The following CMTM2 variants were observed in gnomAD, a reference collection of about 807,000 sequenced individuals.
CMTM2 encodes the protein CKLF like MARVEL transmembrane domain containing 2.
A neutral mutation model predicts 16.8 loss-of-function variants in CMTM2; 15 were observed. The observed-to-expected ratio is 0.89, with a 90% confidence interval of 0.60 to 1.37. CMTM2 has a LOEUF of 1.37. Among genes scored for constraint, CMTM2 ranks in the 40% most tolerant of loss-of-function variants. The pLI, the probability that CMTM2 is intolerant of heterozygous loss-of-function variation, is 0.00. For missense variants in CMTM2, 282 were observed against 318.0 expected (o/e 0.89, Z 0.86); for synonymous variants, 117 against 118.7 (o/e 0.99, Z 0.09).
chr16:66,587,448 T>C (rs1257961663), intron 3 of CMTM2, among the ~76,000 whole-genome samples: 1 of 151,830 alleles, frequency 6.6e-6, no homozygotes, highest in Admixed American at 6.6e-5. Context: ...TCCCAGCAAC[T>C]TGGGAGGCTG....
chr16:66,582,158 C>T (rs1322932350), intron 2 of CMTM2, among the ~76,000 whole-genome samples: 1 of 152,004 alleles, frequency 6.6e-6, no homozygotes, highest in Admixed American at 6.6e-5. Context: ...GGATTATAGA[C>T]ATAAGAGTCC....
At position 66,588,257 on chromosome 16, in the gene CMTM2, T is replaced by C. The variant is rs925701790; in HGVS notation, c.*138T>C. On this transcript the variant is annotated 3_prime_UTR_variant, in exon 4 of 4. Coordinates refer to ENST00000268595, the MANE Select transcript of CMTM2 (RefSeq NM_144673.3). ...CTTTGCTTGGAAAAGAATGGATTAA[T>C]GGATTCTAAAAGCCTAAAGTTGATG... is the stretch of plus-strand genomic sequence containing the variant. 3 of 800,830 alleles carry C rather than the reference T, an allele frequency of 3.7e-6. No individual in the cohort carries two copies. In the East Asian group the frequency reaches 8.0e-5, roughly 21 times the overall value. The allele number at this position is 800,830 out of a possible 1,614,324, so 49.6% of individuals were successfully genotyped here.
rs571631665 is a variant in CMTM2, at chr16:66,581,675, C to T, written c.444+1491C>T. Among the ~76,000 whole-genome samples, 12 of 152,350 alleles carry T rather than the reference C, an allele frequency of 7.9e-5. No individual in the cohort carries two copies. The South Asian group carries it at 2.5e-3, about 32-fold the overall frequency. On this transcript the variant is annotated intron_variant, in intron 2 of 3. Coordinates refer to ENST00000268595, the MANE Select transcript of CMTM2 (RefSeq NM_144673.3). ...TCCTTAGGGAAAAGATGGACAAAGA[C>T]ACATACCCTTCTTATTCCCAACACA...
chr16:66,583,926 C>G (rs2014763010), intron 2 of CMTM2, among the ~76,000 whole-genome samples: 1 of 152,192 alleles, frequency 6.6e-6, no homozygotes, highest in African/African-American at 2.4e-5. Context: ...TCTGCAAAAT[C>G]ATACGTTGAG....
chr16:66,582,389 A>G (rs12446493), intron 2 of CMTM2, among the ~76,000 whole-genome samples: 1 of 152,096 alleles, frequency 6.6e-6, no homozygotes, highest in Non-Finnish European at 1.5e-5. Flanking sequence ...AGACAGAACA[A>G]TGAGTGAGAA....
intron 2 of CMTM2, chr16:66,580,526 G>A (rs905202485): frequency 5.0e-5 from 14 of 279,860 alleles, no homozygotes; most frequent in Non-Finnish European, 8.8e-5. Context: ...ACACTTGACA[G>A]GAGATCACCC....
Position 66,579,775 on chromosome 16 carries a change from G to A in CMTM2, c.168G>A (p.Val56=), listed in dbSNP as rs151139084. ...KEPSDKPQKA[V]QPKHEVGTRR... ...CATCGGACAAACCTCAAAAGGCGGT[G>A]CAGCCCAAGCACGAAGTGGGCACGA... Residue 56 remains valine, a synonymous_variant, in exon 1 of 4, where the codon GTG becomes GTA. Transcript: ENST00000268595. The surrounding 1 kb of genome is among the most constrained non-coding windows in gnomAD (Gnocchi z 6.5). 6.8e-6 allele frequency: 11 copies of A among 1,614,012 alleles called. No individual in the cohort carries two copies. The highest frequency in any genetic ancestry group is 9.3e-6 in the Non-Finnish European group (11 of 1,180,040).
Position 66,587,918 on chromosome 16 carries a change from G to A in CMTM2, c.547-1G>A. On this transcript the variant is annotated splice_acceptor_variant, in intron 3 of 3. Coordinates refer to ENST00000268595, the MANE Select transcript of CMTM2 (RefSeq NM_144673.3). LOFTEE classifies it high-confidence loss of function. ...GTCATGAGGACCGTTTTGTTTTCCAGATCCTTATTGGTGCGGCTGGAGTTT... is the reference window on the plus strand; with the variant it reads ...GTCATGAGGACCGTTTTGTTTTCCAAATCCTTATTGGTGCGGCTGGAGTTT... 1 of 1,614,006 alleles carries A rather than the reference G, an allele frequency of 6.2e-7. No individual in the cohort carries two copies. The highest frequency in any genetic ancestry group is 8.5e-7 in the Non-Finnish European group (1 of 1,179,996).
In CMTM2 at chr16:66,579,827, G is replaced by GA. The variant is rs1567382522; in HGVS notation, c.222dup (p.Leu75IlefsTer6). 6.2e-7 allele frequency: 1 copy of GA among 1,610,960 alleles called. No individual in the cohort carries two copies. Among genetic ancestry groups the GA allele is most frequent in the Non-Finnish European group, 8.5e-7 (1 of 1,178,318 alleles). The stretch of plus-strand genomic sequence containing the variant: ...GAGGGGGTGTCGCCGCTACCGGTGG[G>GA]AATTAAAAGACAGCAATAAAGAGTT... On this transcript the variant is annotated frameshift_variant, in exon 1 of 4. Transcript: ENST00000268595. LOFTEE classifies it high-confidence loss of function. This position sits in a 1 kb window ranked among gnomAD's most constrained non-coding sequence, Gnocchi z 6.5.
intron 2 of CMTM2, among the ~76,000 whole-genome samples, chr16:66,583,176 C>T (rs2014754097): frequency 6.6e-6 from 1 of 151,998 alleles, no homozygotes; most frequent in African/African-American, 2.4e-5. Flanking sequence ...TCCTGAATAC[C>T]AACAATGAAC....
At chr16:66,580,325 C>T in intron 2 of CMTM2, 141 bp downstream of exon 2, 1 of 895,930 alleles carries the variant, frequency 1.1e-6, no homozygotes, top group Non-Finnish European at 1.7e-6. Context: ...ATCAGTGGGG[C>T]CCAGGCAGAG....
chr16:66,580,052 G>C lies in CMTM2; in HGVS notation c.312G>C (p.Leu104=). 2 of 1,614,176 alleles carry C rather than the reference G, an allele frequency of 1.2e-6. No homozygotes were observed. The highest frequency in any genetic ancestry group is 1.7e-6 in the Non-Finnish European group (2 of 1,180,038). Residue 104 remains leucine (L), a synonymous_variant, in exon 2 of 4, where the codon CTG becomes CTC. Coordinates refer to ENST00000268595, the MANE Select transcript of CMTM2 (RefSeq NM_144673.3). ...GCTGCCTAATAGCTGCAATGATACT[G>C]TTGTCCTCACTCACCGTGCACCCCA... ...SLGCLIAAMI[L]LSSLTVHPIL...
rs2014814272 is a variant in CMTM2 at position 66,587,947 on chromosome 16, C to T, written c.575C>T (p.Ala192Val). 1.2e-6 allele frequency: 2 copies of T among 1,614,084 alleles called. No individual in the cohort carries two copies. Among genetic ancestry groups the T allele is most frequent in the Non-Finnish European group, 1.7e-6 (2 of 1,179,974 alleles). ...CTTATTGGTGCGGCTGGAGTTTTTG[C>T]TTTTATCGATGTGTGTCTTCAAAGA... is the stretch of plus-strand genomic sequence containing the variant. The part of the protein sequence containing the change: ...VILIGAAGVF[A>V]FIDVCLQRNH... Residue 192 changes from alanine (A) to valine (V), a missense_variant, in exon 4 of 4, where the codon GCT becomes GTT. Ala to Val is a moderately conservative substitution (Grantham distance 64). Coordinates refer to ENST00000268595, the MANE Select transcript of CMTM2 (RefSeq NM_144673.3).
Position 66,588,129 on chromosome 16 carries a change from G to C in CMTM2, c.*10G>C. 6.2e-7 allele frequency: 1 copy of C among 1,611,580 alleles called. No individual in the cohort carries two copies. The highest frequency in any genetic ancestry group is 1.1e-5 in the South Asian group (1 of 90,986). ...AAAGGGAAAGAAATGACTTGGAGGA[G>C]GCTCCTGGTGTCTGAAACGGCAGTG... On this transcript the variant is annotated 3_prime_UTR_variant, in exon 4 of 4. Transcript: ENST00000268595.
chr16:66,584,945 T>C (rs77043457), intron 2 of CMTM2, among the ~76,000 whole-genome samples: 1 of 79,822 alleles, frequency 1.3e-5, no homozygotes, highest in Non-Finnish European at 2.1e-5. Context: ...ACAAAAACAA[T>C]TTTTTTTTTT....
At position 66,579,853 on chromosome 16, in the gene CMTM2, C is replaced by T; in HGVS notation, c.246C>T (p.Phe82=). The T allele has an allele frequency of 6.2e-7, 1 of 1,610,660 alleles. No individual in the cohort carries two copies. Among genetic ancestry groups the T allele is most frequent in the Non-Finnish European group, 8.5e-7 (1 of 1,178,346 alleles). The change falls in exon 1 of 4, where the codon TTC becomes TTT. Residue 82 remains phenylalanine, a synonymous_variant. Transcript: ENST00000268595. The surrounding 1 kb of genome is among the most constrained non-coding windows in gnomAD (Gnocchi z 6.5). ...AATTAAAAGACAGCAATAAAGAGTT[C>T]TGGCTCTTGGGGCACGCTGAGATCA... ...RWELKDSNKE[F]WLLGHAEIKI...
chr16:66,587,808 G>A, intron 3 of CMTM2, 111 bp from the exon 4 acceptor site: 2 of 1,057,386 alleles, frequency 1.9e-6, no homozygotes, highest in Non-Finnish European at 2.9e-6. Context: ...ACATTTGAGG[G>A]GACATGGGGG....
At chr16:66,583,820 C>T (rs1429906060) in intron 2 of CMTM2, among the ~76,000 whole-genome samples, 1 of 152,174 alleles carries the variant, frequency 6.6e-6, no homozygotes, top group Non-Finnish European at 1.5e-5. Flanking sequence ...ACTCACCCAA[C>T]AAGATATCAG....
At chr16:66,582,390 T>G (rs12443800) in intron 2 of CMTM2, among the ~76,000 whole-genome samples, 8,936 of 152,036 alleles carry the variant, frequency 0.059, 413 homozygotes, top group East Asian at 0.12. Context: ...GACAGAACAA[T>G]GAGTGAGAAC....
Sources: gnomAD v4.1 joint callset for allele counts (sites outside exome capture counted in the v4.1 genomes callset) on GRCh38, gnomAD v4.1.1 for gene constraint, Gnocchi (gnomAD v3.1) non-coding constraint, MANE v1.5 for transcripts, NCBI Gene and HGNC (gene_info 2026-07-23, HGNC 2026-07-21) for gene names.